SEMA3D: variants seen among roughly 807,000 people sequenced by gnomAD.
SEMA3D encodes the protein semaphorin 3D.
Under a neutral mutation model 100.1 loss-of-function variants are expected in SEMA3D, and 84 were observed. The observed-to-expected ratio is 0.84, with a 90% CI of 0.70 to 1.01. The LOEUF is 1.01. SEMA3D is among the 50% of genes least tolerant of loss of function. The pLI is 0.00. For missense variants in SEMA3D, 875 were observed against 934.1 expected (o/e 0.94, Z 0.82); for synonymous variants, 312 against 320.7 (o/e 0.97, Z 0.29).
intron 3 of SEMA3D, among the ~76,000 whole-genome samples, chr7:85,113,033 A>T (rs1400787108): frequency 2.0e-5 from 3 of 152,186 alleles, no homozygotes; most frequent in Non-Finnish European, 4.4e-5. Flanking sequence ...CATTACAGAC[A>T]CCAGTGATTC....
At chr7:85,085,731 C>A (rs181717517) in intron 4 of SEMA3D, among the ~76,000 whole-genome samples, 1 of 152,112 alleles carries the variant, frequency 6.6e-6, no homozygotes, top group Non-Finnish European at 1.5e-5. Context: ...AAAGTACTTG[C>A]TCTTAATAGT....
chr7:85,186,771 C>G lies in SEMA3D; in HGVS notation c.-266G>C, dbSNP rs990184516. On this transcript the variant is annotated 5_prime_UTR_variant, in exon 1 of 19. Transcript: ENST00000284136. Reference sequence around the variant, plus strand: ...GGCTGAGGTCCAGCGGCGCGGCAACCCGGGGCACCGGCGCGCGTTCCTCTG... The same window carrying G: ...GGCTGAGGTCCAGCGGCGCGGCAACGCGGGGCACCGGCGCGCGTTCCTCTG... 1 of 152,182 alleles carries G rather than the reference C, an allele frequency of 6.6e-6. No homozygotes were observed. The highest frequency in any genetic ancestry group is 1.5e-5 in the Non-Finnish European group (1 of 68,068). 9.4% of individuals were successfully genotyped at this position (152,182 alleles called of 1,614,324 possible).
intron 13 of SEMA3D, among the ~76,000 whole-genome samples, chr7:85,021,183 C>T (rs539126947): frequency 4.0e-5 from 6 of 151,786 alleles, no homozygotes; most frequent in African/African-American, 1.4e-4. Context: ...TTAAATAACT[C>T]TGGGATCTTT....
chr7:85,037,534 C>T (rs566891552), intron 11 of SEMA3D, among the ~76,000 whole-genome samples: 6 of 152,114 alleles, frequency 3.9e-5, no homozygotes, highest in East Asian at 1.9e-4. Flanking sequence ...ATAATCCTCT[C>T]GTTTGTTTTC....
At chr7:85,100,071 A>C (rs1450368286) in intron 3 of SEMA3D, among the ~76,000 whole-genome samples, 2 of 151,992 alleles carry the variant, frequency 1.3e-5, no homozygotes, top group Non-Finnish European at 1.5e-5. Flanking sequence ...AGAAAGATGT[A>C]AAGAAAGAAA....
intron 2 of SEMA3D, among the ~76,000 whole-genome samples, chr7:85,148,478 A>C (rs931770580): frequency 1.3e-5 from 2 of 152,172 alleles, no homozygotes; most frequent in Non-Finnish European, 1.5e-5. Context: ...TCCTTAGCTG[A>C]GAGTAAATAC....
chr7:85,086,018 C>T (rs113920272), intron 4 of SEMA3D, among the ~76,000 whole-genome samples: 1 of 152,112 alleles, frequency 6.6e-6, no homozygotes, highest in Non-Finnish European at 1.5e-5. Context: ...ATGTTATATA[C>T]AAGCACAGGG....
At chr7:85,152,025 T>C (rs1790441019) in intron 2 of SEMA3D, among the ~76,000 whole-genome samples, 1 of 152,106 alleles carries the variant, frequency 6.6e-6, no homozygotes, top group African/African-American at 2.4e-5. Flanking sequence ...TTTCATAATC[T>C]TTGATTTCAT....
At chr7:85,014,155 A>C (rs1790032754) in intron 16 of SEMA3D, among the ~76,000 whole-genome samples, 1 of 151,850 alleles carries the variant, frequency 6.6e-6, no homozygotes, top group Non-Finnish European at 1.5e-5. Context: ...AAATCAATAA[A>C]ATTCCAAAAA....
At chr7:85,114,819 A>G (rs560157649) in intron 3 of SEMA3D, among the ~76,000 whole-genome samples, 5 of 152,268 alleles carry the variant, frequency 3.3e-5, no homozygotes, top group African/African-American at 1.2e-4. Context: ...ATAAAACAAG[A>G]TTTTTAATCC....
chr7:85,053,651 A>C (rs762949089), intron 9 of SEMA3D, among the ~76,000 whole-genome samples: 7 of 152,040 alleles, frequency 4.6e-5, no homozygotes, highest in Non-Finnish European at 8.8e-5. Flanking sequence ...AAACATGGGC[A>C]GCATGTGATG....
At chr7:85,138,367 C>T (rs1050120233) in intron 2 of SEMA3D, among the ~76,000 whole-genome samples, 2 of 151,876 alleles carry the variant, frequency 1.3e-5, no homozygotes, top group African/African-American at 4.8e-5. Context: ...CTGCTCACTG[C>T]AACCTCTGCC....
At chr7:85,125,395 G>A (rs780486076) in intron 2 of SEMA3D, among the ~76,000 whole-genome samples, 3 of 151,912 alleles carry the variant, frequency 2.0e-5, no homozygotes, top group Non-Finnish European at 4.4e-5. Flanking sequence ...CTCTAACATC[G>A]TAAGTTAAGA....
At chr7:85,193,668 C>A in the SEMA3D span, among the ~76,000 whole-genome samples, 1 of 151,990 alleles carries the variant, frequency 6.6e-6, no homozygotes, top group Non-Finnish European at 1.5e-5. Flanking sequence ...CAAAACAAAA[C>A]AAAACTGAGA....
the SEMA3D span, among the ~76,000 whole-genome samples, chr7:85,228,177 G>A: frequency 6.6e-6 from 1 of 152,024 alleles, no homozygotes; most frequent in African/African-American, 2.4e-5. Flanking sequence ...TTGTCATACT[G>A]ACAGATATTT....
chr7:85,164,783 T>C lies in SEMA3D; in HGVS notation c.-172-11044A>G, dbSNP rs1404017459. Among the ~76,000 whole-genome samples the C allele has an allele frequency of 3.9e-5, 6 of 152,236 alleles. No homozygotes were observed. The South Asian group carries it at 6.2e-4, about 16-fold the overall frequency. On this transcript the variant is annotated intron_variant, in intron 1 of 18. Coordinates refer to ENST00000284136, the MANE Select transcript of SEMA3D (RefSeq NM_001384900.1). ...AGGAAATTTCAACTTTAAATATTGA[T>C]TTTAGAACTTAGAACCTGTATAAAA... is the stretch of plus-strand genomic sequence containing the variant.
At position 85,118,246 on chromosome 7, in the gene SEMA3D, C is replaced by G. The variant is rs191189963; in HGVS notation, c.151+3495G>C. ...TATTGAGATTCCATATCTGCTTATT[C>G]CTTTTGATATCGTTTTCTTTTAAAT... On this transcript the variant is annotated intron_variant, in intron 3 of 18. Transcript: ENST00000284136. 2.0e-5 allele frequency among the ~76,000 whole-genome samples: 3 copies of G among 152,052 alleles called. No individual in the cohort carries two copies. In the East Asian group the frequency reaches 5.8e-4, roughly 29 times the overall value.
At chr7:85,023,920 GA>G (rs1790322115) in intron 12 of SEMA3D, among the ~76,000 whole-genome samples, 1 of 151,856 alleles carries the variant, frequency 6.6e-6, no homozygotes, top group South Asian at 2.1e-4. Flanking sequence ...CTGGTATTAA[GA>G]AACTGATACT....
At chr7:85,013,355 T>C (rs992777558) in intron 16 of SEMA3D, among the ~76,000 whole-genome samples, 1 of 151,798 alleles carries the variant, frequency 6.6e-6, no homozygotes, top group Non-Finnish European at 1.5e-5. Context: ...AATAGAATTA[T>C]AAATTCAGTG....
Sources: allele counts gnomAD v4.1 joint callset (sites outside exome capture counted in the v4.1 genomes callset), GRCh38; gene constraint gnomAD v4.1.1; transcripts MANE v1.5; gene names NCBI Gene and HGNC (gene_info 2026-07-23, HGNC 2026-07-21).